Variants in FBXL7 observed in about 807,000 individuals in gnomAD.
The protein encoded by FBXL7 is F-box/LRR-repeat protein 7.
Under a neutral mutation model 38.3 loss-of-function variants are expected in FBXL7, and 12 were observed. That is an observed-to-expected ratio of 0.31 (90% CI 0.20 to 0.51). The LOEUF is 0.51. Among genes scored for constraint, FBXL7 ranks in the 20% least tolerant of loss-of-function variants. FBXL7 has a pLI of 0.98. For missense variants in FBXL7, 567 were observed against 676.4 expected, an observed-to-expected ratio of 0.84 and a Z score of 1.79; for synonymous variants, 297 against 300.9, an observed-to-expected ratio of 0.99 and a Z score of 0.13.
intron 2 of FBXL7, among the ~76,000 whole-genome samples, chr5:15,920,938 A>G (rs547301295): frequency 1.1e-4 from 16 of 152,270 alleles, no homozygotes; most frequent in African/African-American, 3.9e-4. Flanking sequence ...TATACATCCT[A>G]TTGCAAAAGT....
intron 2 of FBXL7, among the ~76,000 whole-genome samples, chr5:15,913,205 T>A (rs1741486065): frequency 6.6e-6 from 1 of 152,174 alleles, no homozygotes; most frequent in Non-Finnish European, 1.5e-5. Flanking sequence ...AAAGAAATTG[T>A]TGTAAAGATT....
intron 1 of FBXL7, among the ~76,000 whole-genome samples, chr5:15,568,695 T>C (rs1162637902): frequency 6.6e-6 from 1 of 152,016 alleles, no homozygotes; most frequent in Non-Finnish European, 1.5e-5. Context: ...ATTGCCTAGG[T>C]TTTCTTCTAG....
intron 2 of FBXL7, among the ~76,000 whole-genome samples, chr5:15,687,030 C>T (rs1275589514): frequency 6.6e-6 from 1 of 152,230 alleles, no homozygotes; most frequent in Non-Finnish European, 1.5e-5. Flanking sequence ...ATCCTGAACT[C>T]AAGGGCTGGC....
chr5:15,532,168 A>T (rs1296030066), intron 1 of FBXL7, among the ~76,000 whole-genome samples: 1 of 152,200 alleles, frequency 6.6e-6, no homozygotes, highest in Non-Finnish European at 1.5e-5. Flanking sequence ...TCTGTCATTA[A>T]CTGTGTAGTC....
chr5:15,925,848 C>T (rs555433479), intron 2 of FBXL7, among the ~76,000 whole-genome samples: 24 of 152,280 alleles, frequency 1.6e-4, no homozygotes, highest in Admixed American at 6.5e-4. Context: ...GACTTTATGA[C>T]GGTACAAAAG....
At position 15,618,804 on chromosome 5, in the gene FBXL7, C is replaced by G. The variant is rs187142136; in HGVS notation, c.127+2732C>G. ...TACCCCAAATTACCAGCGGCCTATC[C>G]CGACGGGTCTATAGCAACTTCAGTC... On this transcript the variant is annotated intron_variant, in intron 2 of 3. Coordinates refer to ENST00000504595, the MANE Select transcript of FBXL7 (RefSeq NM_012304.5). Among the ~76,000 whole-genome samples the G allele has an allele frequency of 2.6e-5, 4 of 152,270 alleles. No individual in the cohort carries two copies. In the East Asian group the frequency reaches 7.7e-4, roughly 29 times the overall value.
intron 2 of FBXL7, among the ~76,000 whole-genome samples, chr5:15,801,607 T>C (rs1737565389): frequency 6.6e-6 from 1 of 151,476 alleles, no homozygotes; most frequent in Non-Finnish European, 1.5e-5. Flanking sequence ...TCTTATGGCC[T>C]TATAGATATT....
intron 2 of FBXL7, among the ~76,000 whole-genome samples, chr5:15,635,869 A>G (rs1338348114): frequency 6.6e-6 from 1 of 150,802 alleles, no homozygotes; most frequent in Non-Finnish European, 1.5e-5. Context: ...ACCATGTGAG[A>G]GAGAATGTAC....
At chr5:15,556,415 G>A (rs1302487334) in intron 1 of FBXL7, among the ~76,000 whole-genome samples, 1 of 152,118 alleles carries the variant, frequency 6.6e-6, no homozygotes, top group Non-Finnish European at 1.5e-5. Flanking sequence ...CACATGAGGA[G>A]GGTCATCTGC....
chr5:15,593,298 T>C (rs1580391109), intron 1 of FBXL7, among the ~76,000 whole-genome samples: 1 of 152,114 alleles, frequency 6.6e-6, no homozygotes, highest in African/African-American at 2.4e-5. Flanking sequence ...CCGAGGCAGG[T>C]GGATCACCTG....
rs561782213 is a variant in FBXL7, at chr5:15,914,476, C to CA, written c.128-13414_128-13413insA. On this transcript the variant is annotated intron_variant, in intron 2 of 3. Transcript: ENST00000504595. Reference sequence around the variant, plus strand: ...AGAAAAAAGCACCAAGCATTTGGTTCTGAGATGCTTTAGGTGATGTGGGCT... The same window carrying CA: ...AGAAAAAAGCACCAAGCATTTGGTTCATGAGATGCTTTAGGTGATGTGGGCT... 2.2e-3 allele frequency among the ~76,000 whole-genome samples: 334 copies of CA among 150,938 alleles called. 1 individual carries two copies. Among genetic ancestry groups the CA allele is most frequent in the African/African-American group, 7.7e-3 (317 of 41,082 alleles).
At chr5:15,505,438 C>T (rs931495105) in intron 1 of FBXL7, among the ~76,000 whole-genome samples, 3 of 152,064 alleles carry the variant, frequency 2.0e-5, no homozygotes, top group Non-Finnish European at 4.4e-5. Flanking sequence ...TTTTACTTCC[C>T]GCTATGGGCC....
intron 2 of FBXL7, among the ~76,000 whole-genome samples, chr5:15,808,268 A>C (rs1016670760): frequency 3.9e-5 from 6 of 152,036 alleles, no homozygotes; most frequent in Non-Finnish European, 7.4e-5. Context: ...CAAATTCCAC[A>C]GATCTCTTGT....
At chr5:15,769,114 C>G (rs374069426) in intron 2 of FBXL7, among the ~76,000 whole-genome samples, 1 of 152,164 alleles carries the variant, frequency 6.6e-6, no homozygotes, top group East Asian at 1.9e-4. Flanking sequence ...CTGCATTGTC[C>G]GCTGTCTTCC....
chr5:15,745,462 C>A (rs1176106921), intron 2 of FBXL7, among the ~76,000 whole-genome samples: 1 of 151,714 alleles, frequency 6.6e-6, no homozygotes, highest in Non-Finnish European at 1.5e-5. Context: ...AGAGGAGAGG[C>A]AATAAACAAA....
chr5:15,753,800 T>C (rs985337158), intron 2 of FBXL7, among the ~76,000 whole-genome samples: 13 of 152,224 alleles, frequency 8.5e-5, no homozygotes, highest in African/African-American at 3.1e-4. Flanking sequence ...AAGTCTTACA[T>C]TTATTAGCAT....
At chr5:15,518,182 G>C (rs1214783712) in intron 1 of FBXL7, among the ~76,000 whole-genome samples, 4 of 151,900 alleles carry the variant, frequency 2.6e-5, no homozygotes, top group Non-Finnish European at 4.4e-5. Context: ...GTAGAGACAG[G>C]GTTTCACCAT....
At chr5:15,754,253 C>T (rs935113193) in intron 2 of FBXL7, among the ~76,000 whole-genome samples, 3 of 152,158 alleles carry the variant, frequency 2.0e-5, no homozygotes, top group Admixed American at 6.5e-5. Flanking sequence ...CTTAGAGCTT[C>T]AGAATGCATT....
intron 2 of FBXL7, among the ~76,000 whole-genome samples, chr5:15,715,341 A>G (rs1340135089): frequency 6.6e-6 from 1 of 151,914 alleles, no homozygotes; most frequent in Admixed American, 6.5e-5. Context: ...AAATACAAAA[A>G]TTAGCTGGGC....
Sources: allele counts gnomAD v4.1 joint callset (sites outside exome capture counted in the v4.1 genomes callset), GRCh38; gene constraint gnomAD v4.1.1; transcripts MANE v1.5; gene names NCBI Gene and HGNC (gene_info 2026-07-23, HGNC 2026-07-21).